LARGE1: variants seen among roughly 807,000 people sequenced by gnomAD.
LARGE1 encodes the protein LARGE xylosyl- and glucuronyltransferase 1, also known as xylosyl- and glucuronyltransferase LARGE1.
LARGE1 carries 43 observed loss-of-function variants against 87.6 expected under a neutral mutation model. The observed-to-expected ratio is 0.49, with a 90% CI of 0.38 to 0.63. The LOEUF (loss-of-function observed/expected upper bound fraction) is 0.63. LARGE1 is among the 30% of genes least tolerant of loss of function. The pLI is 0.00. For missense variants in LARGE1, 802 were observed against 1,000.2 expected, an observed-to-expected ratio of 0.80 and a Z score of 2.67; for synonymous variants, 434 against 394.6, an observed-to-expected ratio of 1.10 and a Z score of -1.18.
At chr22:33,659,879 A>ATCAT (rs2081069961) in intron 2 of LARGE1, among the ~76,000 whole-genome samples, 1 of 152,156 alleles carries the variant, frequency 6.6e-6, no homozygotes, top group African/African-American at 2.4e-5. Context: ...CTTCCATAAA[A>ATCAT]TCATTTCCAA....
In LARGE1 at chr22:33,231,076, G is replaced by A. The variant is rs374186994; in HGVS notation, c.1731-64244C>T. Among the ~76,000 whole-genome samples, 3 of 152,108 alleles carry A rather than the reference G, an allele frequency of 2.0e-5. No homozygotes were observed. The South Asian group carries it at 6.2e-4, about 32-fold the overall frequency. On this transcript the variant is annotated intron_variant, in intron 11 of 11. Coordinates refer to the LARGE1 transcript ENST00000608642. Reference sequence around the variant, plus strand: ...ATTAAATAAATATTGGTAAATATTGGTTGTTTGTTGGTTGATTTGTTGACT... The same window carrying A: ...ATTAAATAAATATTGGTAAATATTGATTGTTTGTTGGTTGATTTGTTGACT...
the LARGE1 span, among the ~76,000 whole-genome samples, chr22:33,150,791 C>G: frequency 6.6e-6 from 1 of 152,094 alleles, no homozygotes; most frequent in African/African-American, 2.4e-5. Flanking sequence ...ACCCTCTGTT[C>G]TATTTTATTG....
chr22:33,595,854 C>A (rs116875197), intron 5 of LARGE1, among the ~76,000 whole-genome samples: 3 of 152,160 alleles, frequency 2.0e-5, no homozygotes, highest in African/African-American at 7.2e-5. Flanking sequence ...GATGAGGGAA[C>A]AGACAAATGG....
At chr22:33,073,330 T>G in the LARGE1 span, among the ~76,000 whole-genome samples, 2 of 152,338 alleles carry the variant, frequency 1.3e-5, no homozygotes, top group Admixed American at 1.3e-4. Context: ...GAAGGATCTG[T>G]GTGCACACAC....
the LARGE1 span, among the ~76,000 whole-genome samples, chr22:33,071,660 C>T: frequency 6.6e-6 from 1 of 152,138 alleles, no homozygotes; most frequent in Admixed American, 6.5e-5. Context: ...GTAGAAGATA[C>T]TTTATATTAA....
chr22:33,606,392 G>A (rs1288550538), intron 4 of LARGE1, among the ~76,000 whole-genome samples: 64 of 148,880 alleles, frequency 4.3e-4, no homozygotes, highest in Non-Finnish European at 1.5e-5. Context: ...GTGATGGAGC[G>A]AGACCCCATC....
intron 1 of LARGE1, among the ~76,000 whole-genome samples, chr22:33,787,656 A>G (rs1289255124): frequency 2.0e-5 from 3 of 152,156 alleles, no homozygotes; most frequent in African/African-American, 7.2e-5. Context: ...TCAGCCTTAA[A>G]AATCTTCATC....
chr22:33,530,566 CCTT>C (rs1256454422), intron 6 of LARGE1, among the ~76,000 whole-genome samples: 1 of 151,604 alleles, frequency 6.6e-6, no homozygotes, highest in Non-Finnish European at 1.5e-5. Context: ...CAGAAAACGT[CCTT>C]CTCCTTTAAG....
intron 6 of LARGE1, among the ~76,000 whole-genome samples, chr22:33,487,671 T>C (rs557726113): frequency 3.9e-5 from 6 of 152,288 alleles, no homozygotes; most frequent in Middle Eastern, 3.4e-3. Flanking sequence ...ATGGCCTCCT[T>C]TAGCTGAGTA....
chr22:33,387,413 TGA>T (rs2065363909), intron 7 of LARGE1, among the ~76,000 whole-genome samples: 1 of 113,602 alleles, frequency 8.8e-6, no homozygotes, highest in Non-Finnish European at 1.7e-5. Context: ...GGTAACAGAG[TGA>T]GACTCTGTCT....
At chr22:33,269,172 A>C (rs192187041), downstream of LARGE1, among the ~76,000 whole-genome samples, 3 of 152,368 alleles carry the variant, frequency 2.0e-5, no homozygotes, top group Admixed American at 6.5e-5. Context: ...GAAAAAAACT[A>C]TGAAGAGTAT....
chr22:33,867,268 T>C (rs1287223674), intron 1 of LARGE1, among the ~76,000 whole-genome samples: 1 of 152,194 alleles, frequency 6.6e-6, no homozygotes, highest in African/African-American at 2.4e-5. Context: ...TTAATCATCA[T>C]GAACAGGAAT....
intron 11 of LARGE1, among the ~76,000 whole-genome samples, chr22:33,260,583 C>A (rs918559018): frequency 1.3e-5 from 2 of 152,168 alleles, no homozygotes; most frequent in African/African-American, 4.8e-5. Context: ...TGAGATAATG[C>A]CGGCCATGCA....
the LARGE1 span, among the ~76,000 whole-genome samples, chr22:33,130,257 T>C: frequency 7.5e-6 from 1 of 133,766 alleles, no homozygotes; most frequent in African/African-American, 2.9e-5. Context: ...GAGCTTGCAG[T>C]GAGCCGAGAC....
chr22:33,835,019 TC>T (rs5845119), intron 1 of LARGE1, among the ~76,000 whole-genome samples: 129,261 of 152,222 alleles, frequency 0.85, 55,006 homozygotes, highest in African/African-American at 0.9. Flanking sequence ...CAAAGCTATT[TC>T]CAAAGAATAA....
At chr22:33,773,312 T>G (rs1409500025) in intron 1 of LARGE1, among the ~76,000 whole-genome samples, 1 of 152,214 alleles carries the variant, frequency 6.6e-6, no homozygotes, top group Non-Finnish European at 1.5e-5. Flanking sequence ...GCACGCAATA[T>G]GCTCTCAAAC....
intron 2 of LARGE1, among the ~76,000 whole-genome samples, chr22:33,719,090 T>TTTTC (rs1316892595): frequency 6.6e-6 from 1 of 152,206 alleles, no homozygotes; most frequent in African/African-American, 2.4e-5. Flanking sequence ...CACCCGGCTG[T>TTTTC]ATCTTTGTTT....
intron 9 of LARGE1, among the ~76,000 whole-genome samples, chr22:33,343,542 C>T (rs914229596): frequency 6.6e-6 from 1 of 152,124 alleles, no homozygotes; most frequent in Non-Finnish European, 1.5e-5. Context: ...AACAAAATAG[C>T]TCTCACGTTT....
chr22:33,433,266 A>T (rs1293340447), intron 6 of LARGE1, among the ~76,000 whole-genome samples: 1 of 152,180 alleles, frequency 6.6e-6, no homozygotes, highest in Admixed American at 6.5e-5. Context: ...AAAAACAAAT[A>T]TTTTAGGCAG....
Sources: allele counts gnomAD v4.1 joint callset (sites outside exome capture counted in the v4.1 genomes callset), GRCh38; gene constraint gnomAD v4.1.1; transcripts MANE v1.5; gene names NCBI Gene and HGNC (gene_info 2026-07-23, HGNC 2026-07-21).